Variants in FYN observed in about 807,000 individuals in gnomAD.
FYN encodes the protein FYN proto-oncogene, Src family tyrosine kinase.
In FYN, 10 loss-of-function variants were observed where a neutral mutation model predicts 70.2. The ratio of observed to expected loss-of-function variants is 0.14; its 90% confidence interval spans 0.09 to 0.24. FYN has a LOEUF of 0.24. Ranked by LOEUF, FYN falls within the 10% of genes least tolerant of loss-of-function variation. FYN has a pLI of 1.00. For missense variants in FYN, 319 were observed against 673.1 expected (o/e 0.47, Z 5.82); for synonymous variants, 236 against 248.6 (o/e 0.95, Z 0.48).
chr6:111,701,311 G>C (rs1382486363), intron 8 of FYN, among the ~76,000 whole-genome samples: 2 of 152,178 alleles, frequency 1.3e-5, no homozygotes, highest in African/African-American at 4.8e-5. Flanking sequence ...GACAAAAGCT[G>C]ACAGAGCCTG....
intron 1 of FYN, among the ~76,000 whole-genome samples, chr6:111,861,668 A>G (rs1338517826): frequency 6.6e-6 from 1 of 152,156 alleles, no homozygotes; most frequent in Non-Finnish European, 1.5e-5. Context: ...TAGGCAGGGG[A>G]AGCCATTAAC....
intron 3 of FYN, among the ~76,000 whole-genome samples, chr6:111,767,887 A>G (rs1237603124): frequency 6.6e-6 from 1 of 152,234 alleles, no homozygotes; most frequent in Non-Finnish European, 1.5e-5. Flanking sequence ...AGGGGTTGTT[A>G]AAATCCCCTT....
chr6:111,773,323 GGAGGGAGAGGGAAAGGGA>G (rs1355019605), intron 3 of FYN, among the ~76,000 whole-genome samples: 1 of 85,328 alleles, frequency 1.2e-5, no homozygotes, highest in African/African-American at 4.6e-5. Flanking sequence ...GAGGGGAGGG[GGAGGGAGAGGGAAAGGGA>G]GAGGGAGAGG....
chr6:111,745,439 G>T (rs547184368), intron 3 of FYN, among the ~76,000 whole-genome samples: 1 of 152,164 alleles, frequency 6.6e-6, no homozygotes, highest in African/African-American at 2.4e-5. Flanking sequence ...GGTGAAAAAG[G>T]GGGTGCGCAA....
intron 2 of FYN, among the ~76,000 whole-genome samples, chr6:111,839,884 G>A (rs1333921152): frequency 6.6e-6 from 1 of 152,112 alleles, no homozygotes; most frequent in Non-Finnish European, 1.5e-5. Context: ...CTCTGCTCCA[G>A]ACTCGGGTGA....
chr6:111,810,681 G>T (rs544097695), intron 2 of FYN, among the ~76,000 whole-genome samples: 7 of 152,210 alleles, frequency 4.6e-5, no homozygotes, highest in Admixed American at 1.3e-4. Flanking sequence ...GTGCCTGGGT[G>T]CACTCACACC....
chr6:111,781,797 C>T (rs758546254), intron 2 of FYN, among the ~76,000 whole-genome samples: 38 of 152,156 alleles, frequency 2.5e-4, no homozygotes, highest in Non-Finnish European at 8.8e-5. Context: ...AGAGTATACT[C>T]TTATACAGTT....
At chr6:111,689,087 AT>A (rs1204602326) in intron 12 of FYN, among the ~76,000 whole-genome samples, 4 of 152,202 alleles carry the variant, frequency 2.6e-5, no homozygotes, top group African/African-American at 7.2e-5. Flanking sequence ...TGATTTTTAC[AT>A]TTCACAACTC....
At chr6:111,758,915 A>G (rs947171642) in intron 3 of FYN, 4 of 152,426 alleles carry the variant, frequency 2.6e-5, no homozygotes, top group East Asian at 1.9e-4. Context: ...CCAGTGGCCT[A>G]TATCTTTTCC....
intron 13 of FYN, among the ~76,000 whole-genome samples, chr6:111,666,967 A>C (rs1201920902): frequency 6.6e-6 from 1 of 152,080 alleles, no homozygotes; most frequent in Non-Finnish European, 1.5e-5. Context: ...TGCCCCAAAC[A>C]CTGCAACTGA....
intron 1 of FYN, among the ~76,000 whole-genome samples, chr6:111,863,520 G>A (rs900365161): frequency 3.9e-5 from 6 of 152,232 alleles, no homozygotes; most frequent in African/African-American, 1.4e-4. Flanking sequence ...AACTTTCTGG[G>A]GATTAAAAGA....
chr6:111,853,475 G>A (rs1773742334), intron 1 of FYN, among the ~76,000 whole-genome samples: 1 of 152,024 alleles, frequency 6.6e-6, no homozygotes, highest in African/African-American at 2.4e-5. Flanking sequence ...ATGTTCCCTG[G>A]AAGCTTAAAA....
At chr6:111,826,379 T>C (rs1772836421) in intron 2 of FYN, among the ~76,000 whole-genome samples, 1 of 152,090 alleles carries the variant, frequency 6.6e-6, no homozygotes, top group African/African-American at 2.4e-5. Context: ...TATGTATGTG[T>C]ATTTATGCAC....
chr6:111,861,924 C>T (rs968820980), intron 1 of FYN, among the ~76,000 whole-genome samples: 1 of 152,208 alleles, frequency 6.6e-6, no homozygotes, highest in South Asian at 2.1e-4. Context: ...GGACAGAACC[C>T]TCTTCCTATG....
intron 3 of FYN, among the ~76,000 whole-genome samples, chr6:111,761,747 G>A (rs1409159131): frequency 6.6e-6 from 1 of 152,166 alleles, no homozygotes; most frequent in Non-Finnish European, 1.5e-5. Flanking sequence ...GGCAAGCTTA[G>A]GAGGAAGAAC....
intron 3 of FYN, among the ~76,000 whole-genome samples, chr6:111,739,236 G>A (rs967613975): frequency 2.0e-5 from 3 of 152,246 alleles, no homozygotes; most frequent in African/African-American, 7.2e-5. Context: ...CACGGAGGGT[G>A]GAGACAATCT....
intron 3 of FYN, among the ~76,000 whole-genome samples, chr6:111,764,053 G>A (rs187651564): frequency 6.6e-6 from 1 of 151,958 alleles, no homozygotes; most frequent in Non-Finnish European, 1.5e-5. Context: ...CCAGCTATAG[G>A]TGAAGCAAGA....
rs1046511776 is a variant in FYN, at chr6:111,677,592, T to C, written c.1274-2962A>G. 3.9e-5 allele frequency among the ~76,000 whole-genome samples: 6 copies of C among 152,332 alleles called. No individual in the cohort carries two copies. In the East Asian group the frequency reaches 9.6e-4, roughly 24 times the overall value. On this transcript the variant is annotated intron_variant, in intron 12 of 13. Transcript: ENST00000354650. ...CTAAGGTTGTGTAGTACATAACCTA[T>C]ACAATCCCACAGATGTCCCTGCTGC...
At chr6:111,708,100 T>A (rs1800186880) in intron 5 of FYN, 80 bp from the exon 6 acceptor site, 2 of 1,037,724 alleles carry the variant, frequency 1.9e-6, no homozygotes, top group African/African-American at 1.6e-5. Context: ...CTGAAGTGTA[T>A]AACTGTCACC....
Sources: gnomAD v4.1 joint callset for allele counts (sites outside exome capture counted in the v4.1 genomes callset) on GRCh38, gnomAD v4.1.1 for gene constraint, MANE v1.5 for transcripts, NCBI Gene and HGNC (gene_info 2026-07-23, HGNC 2026-07-21) for gene names.